PRKD1: variants seen among roughly 807,000 people sequenced by gnomAD.
PRKD1 encodes the protein serine/threonine-protein kinase D1.
Under a neutral mutation model 95.9 loss-of-function variants are expected in PRKD1, and 63 were observed. That is an observed-to-expected ratio of 0.66 (90% CI 0.54 to 0.81). PRKD1 has a LOEUF of 0.81. PRKD1 is among the 30% of genes least tolerant of loss of function. PRKD1 has a pLI of 0.00. For synonymous variants in PRKD1, 425 were observed against 423.1 expected, an observed-to-expected ratio of 1.00 and a Z score of -0.05; for missense variants, 1,048 against 1,165.3, an observed-to-expected ratio of 0.90 and a Z score of 1.47.
intron 1 of PRKD1, among the ~76,000 whole-genome samples, chr14:29,913,323 G>A (rs967635846): frequency 2.0e-5 from 3 of 152,110 alleles, no homozygotes; most frequent in Non-Finnish European, 4.4e-5. Flanking sequence ...AATAAAATGT[G>A]TGCCCTAAGT....
intron 1 of PRKD1, among the ~76,000 whole-genome samples, chr14:29,824,920 G>A (rs1012614194): frequency 1.3e-5 from 2 of 151,892 alleles, no homozygotes; most frequent in East Asian, 1.9e-4. Flanking sequence ...TCACTCAACT[G>A]GACACTAACT....
rs373748041 is a variant in PRKD1, at chr14:29,666,178, C to T, written c.434G>A (p.Arg145His). ...ASATFEDFQI[R>H]PHALFVHSYR... ...TGAATGAACAAAGAGAGCGTGGGGA[C>T]GAATCTGAAAGTCTTCAAAGGTGGC... The change falls in exon 3 of 18, where the codon CGT (arginine) becomes CAT (histidine). Residue 145 changes from arginine (R) to histidine (H), a missense_variant. Physicochemically the swap from Arg to His is conservative, Grantham distance 29 (BLOSUM62 0). Around this residue, in one of 3 missense-constraint regions of PRKD1, gnomAD observed 275 missense variants for 248.6 expected, o/e 1.11. Coordinates refer to ENST00000331968, the MANE Select transcript of PRKD1 (RefSeq NM_002742.3). The T allele has an allele frequency of 2.5e-5, 40 of 1,597,432 alleles. No homozygotes were observed. The highest frequency in any genetic ancestry group is 5.4e-5 in the African/African-American group (4 of 74,604).
In PRKD1 at chr14:29,684,932, A is replaced by C. The variant is rs184193289; in HGVS notation, c.404-18724T>G. ...TTCATGCTTTGATTTCTAAATTCCA[A>C]AAGACCCTTTTCCCCCTTTATAGGG... On this transcript the variant is annotated intron_variant, in intron 2 of 17. Coordinates refer to ENST00000331968, the MANE Select transcript of PRKD1 (RefSeq NM_002742.3). 1.3e-4 allele frequency among the ~76,000 whole-genome samples: 20 copies of C among 152,354 alleles called. No homozygotes were observed. In the East Asian group the frequency reaches 3.5e-3, roughly 26 times the overall value.
chr14:29,676,044 G>T (rs2139249482), intron 2 of PRKD1, among the ~76,000 whole-genome samples: 1 of 151,658 alleles, frequency 6.6e-6, no homozygotes, highest in South Asian at 2.1e-4. Context: ...CGCGTTAATG[G>T]GTGCAGCACA....
chr14:29,855,992 G>A (rs1395043271), intron 1 of PRKD1, among the ~76,000 whole-genome samples: 2 of 152,100 alleles, frequency 1.3e-5, no homozygotes, highest in East Asian at 3.9e-4. Context: ...TTATTAGCAG[G>A]ATGAAAATAG....
chr14:29,911,031 A>G (rs1183428412), intron 1 of PRKD1, among the ~76,000 whole-genome samples: 2 of 152,240 alleles, frequency 1.3e-5, no homozygotes. Flanking sequence ...AATCAAAACC[A>G]TAATATCATT....
At chr14:29,881,809 T>G (rs1227849983) in intron 1 of PRKD1, among the ~76,000 whole-genome samples, 1 of 152,122 alleles carries the variant, frequency 6.6e-6, no homozygotes, top group Non-Finnish European at 1.5e-5. Context: ...GCTCAATTAC[T>G]CACCCAAGTC....
chr14:29,752,629 A>G (rs1289442341), intron 1 of PRKD1, among the ~76,000 whole-genome samples: 2 of 151,742 alleles, frequency 1.3e-5, no homozygotes, highest in Admixed American at 1.3e-4. Flanking sequence ...AATAGGAATC[A>G]GATAACACTT....
intron 16 of PRKD1, among the ~76,000 whole-genome samples, chr14:29,597,177 A>G (rs1893337189): frequency 6.6e-6 from 1 of 152,220 alleles, no homozygotes; most frequent in Non-Finnish European, 1.5e-5. Flanking sequence ...ACACAGAACT[A>G]GGCACATATA....
intron 2 of PRKD1, among the ~76,000 whole-genome samples, chr14:29,669,404 G>A (rs1484422274): frequency 1.3e-5 from 2 of 152,082 alleles, no homozygotes; most frequent in Non-Finnish European, 2.9e-5. Context: ...TCGTCCCAAA[G>A]CAAAACATTT....
intron 1 of PRKD1, among the ~76,000 whole-genome samples, chr14:29,816,638 G>C (rs112327479): frequency 6.6e-6 from 1 of 152,074 alleles, no homozygotes; most frequent in Non-Finnish European, 1.5e-5. Flanking sequence ...TATAACCTCA[G>C]CCATATCATG....
Position 29,927,547 on chromosome 14 carries a change from C to T in PRKD1, c.-35G>A. On this transcript the variant is annotated 5_prime_UTR_variant, in exon 1 of 18. Transcript: ENST00000331968. ...GGGCGCAGGGCCGGGCAGCGGAGGG[C>T]GGGGGCTGGCGGCGCGGCAGCAGGA... is the stretch of plus-strand genomic sequence containing the variant. 1 of 1,133,772 alleles carries T rather than the reference C, an allele frequency of 8.8e-7. No homozygotes were observed. The highest frequency in any genetic ancestry group is 1.1e-6 in the Non-Finnish European group (1 of 925,968). 70.2% of individuals were successfully genotyped at this position (1,133,772 alleles called of 1,614,324 possible). A position where few individuals can be genotyped will look rare whatever the true frequency, so the allele number is the denominator to read the frequency against.
At chr14:29,588,044 C>A (rs1236815689) in intron 16 of PRKD1, among the ~76,000 whole-genome samples, 1 of 152,122 alleles carries the variant, frequency 6.6e-6, no homozygotes, top group Non-Finnish European at 1.5e-5. Flanking sequence ...GTTGACAAAT[C>A]AATCTATTCA....
intron 1 of PRKD1, among the ~76,000 whole-genome samples, chr14:29,780,839 C>T (rs551621601): frequency 4.6e-5 from 7 of 152,198 alleles, no homozygotes; most frequent in Admixed American, 2.0e-4. Context: ...CACATGCACA[C>T]GTACGTTTAT....
At chr14:29,695,752 T>C (rs1268547791) in intron 2 of PRKD1, among the ~76,000 whole-genome samples, 1 of 152,156 alleles carries the variant, frequency 6.6e-6, no homozygotes, top group African/African-American at 2.4e-5. Flanking sequence ...TGGAAAGAGT[T>C]TTGAGTTCAT....
chr14:29,663,193 A>G (rs966223060), intron 4 of PRKD1, among the ~76,000 whole-genome samples: 5 of 145,956 alleles, frequency 3.4e-5, no homozygotes, highest in African/African-American at 1.3e-4. Context: ...GGAAATATTT[A>G]AAGTGTTAAG....
chr14:29,814,769 G>C (rs1172710862), intron 1 of PRKD1, among the ~76,000 whole-genome samples: 1 of 152,084 alleles, frequency 6.6e-6, no homozygotes, highest in South Asian at 2.1e-4. Flanking sequence ...CCTTGAATCT[G>C]TTCTCTTCTC....
chr14:29,833,814 T>C (rs917643528), intron 1 of PRKD1, among the ~76,000 whole-genome samples: 6 of 151,892 alleles, frequency 4.0e-5, no homozygotes, highest in African/African-American at 1.5e-4. Context: ...CAATTTCATA[T>C]ATAAAAAAGC....
At chr14:29,772,415 T>C (rs890702817) in intron 1 of PRKD1, among the ~76,000 whole-genome samples, 2 of 152,208 alleles carry the variant, frequency 1.3e-5, no homozygotes, top group African/African-American at 4.8e-5. Flanking sequence ...ATTCCGAATC[T>C]GCTGGTGCTT....
Sources: gnomAD v4.1 joint callset for allele counts (sites outside exome capture counted in the v4.1 genomes callset) on GRCh38, gnomAD v4.1.1 for gene constraint, gnomAD v4.1.1 regional missense constraint, MANE v1.5 for transcripts, NCBI Gene and HGNC (gene_info 2026-07-23, HGNC 2026-07-21) for gene names.